KALRN: variants seen among roughly 807,000 people sequenced by gnomAD.
KALRN encodes kalirin.
KALRN carries 70 observed loss-of-function variants against 353.7 expected under a neutral mutation model. That is an observed-to-expected ratio of 0.20 (90% CI 0.16 to 0.24). The LOEUF is 0.24. KALRN is among the 10% of genes least tolerant of loss of function. The probability of loss-of-function intolerance (pLI) is 1.00; values close to 1 mark genes in which losing one functional copy is unlikely to be tolerated. For missense variants in KALRN, 2,791 were observed against 3,756.7 expected (o/e 0.74, Z 6.72); for synonymous variants, 1,391 against 1,434.8 (o/e 0.97, Z 0.69).
intron 3 of KALRN, among the ~76,000 whole-genome samples, chr3:124,256,666 C>T (rs1004236936): frequency 7.9e-5 from 12 of 152,114 alleles, no homozygotes; most frequent in Non-Finnish European, 1.0e-4. Context: ...CCACAGAAGC[C>T]CTCTACACCT....
At chr3:124,422,720 T>C in intron 14 of KALRN, 92 bp from the exon 15 acceptor site, 1 of 1,062,636 alleles carries the variant, frequency 9.4e-7, no homozygotes. Context: ...TAATGGCTGT[T>C]TCCAAATTCC....
At chr3:124,165,521 G>T (rs1199628050) in intron 1 of KALRN, among the ~76,000 whole-genome samples, 1 of 152,140 alleles carries the variant, frequency 6.6e-6, no homozygotes. Flanking sequence ...GCAACCACAT[G>T]TGGTCCCCTC....
At position 124,642,807 on chromosome 3, in the gene KALRN, T is replaced by TTTTTTTTTTGTTGTTG. The variant is rs1553707041; in HGVS notation, c.5664+5513_5664+5514insGTTGTTGTTTTTTTTT. On this transcript the variant is annotated intron_variant, in intron 37 of 59. Transcript: ENST00000682506. The stretch of plus-strand genomic sequence containing the variant: ...CTGTGGAAGAGATTCCCAAGCCTCG[T>TTTTTTTTTTGTTGTTG]TTTTTTTTTTTTTTTTTTTGAGACG... Among the ~76,000 whole-genome samples the TTTTTTTTTTGTTGTTG allele has an allele frequency of 1.4e-4, 12 of 87,626 alleles. 1 individual carries two copies. Among genetic ancestry groups the TTTTTTTTTTGTTGTTG allele is most frequent in the East Asian group, 1.2e-3 (3 of 2,588 alleles). 57.5% of individuals were successfully genotyped at this position (87,626 alleles called of 152,430 possible). A position where few individuals can be genotyped will look rare whatever the true frequency, so the allele number is the denominator to read the frequency against.
intron 5 of KALRN, among the ~76,000 whole-genome samples, chr3:124,296,109 T>C (rs1230529174): frequency 6.6e-6 from 1 of 152,176 alleles, no homozygotes; most frequent in Admixed American, 6.5e-5. Context: ...ATCATGCACG[T>C]TTGCCTTTGG....
At chr3:124,424,478 G>T (rs2092929875) in intron 15 of KALRN, among the ~76,000 whole-genome samples, 1 of 151,812 alleles carries the variant, frequency 6.6e-6, no homozygotes, top group Non-Finnish European at 1.5e-5. Context: ...TTATTATAAT[G>T]AAAAAAACAC....
intron 33 of KALRN, among the ~76,000 whole-genome samples, chr3:124,515,711 C>CA (rs980213682): frequency 5.3e-5 from 8 of 151,464 alleles, no homozygotes; most frequent in Non-Finnish European, 8.8e-5. Flanking sequence ...ACTGGCATTT[C>CA]AAAAAAAAAT....
intron 1 of KALRN, among the ~76,000 whole-genome samples, chr3:124,038,886 C>A (rs1420570718): frequency 6.6e-6 from 1 of 152,288 alleles, no homozygotes; most frequent in Non-Finnish European, 1.5e-5. Flanking sequence ...TTTCCTCCAA[C>A]AAACCCTGTT....
At chr3:124,319,809 A>G (rs1014110383) in intron 6 of KALRN, among the ~76,000 whole-genome samples, 1 of 151,946 alleles carries the variant, frequency 6.6e-6, no homozygotes, top group Non-Finnish European at 1.5e-5. Flanking sequence ...CCTGGCCAAC[A>G]TGGCAAAACC....
chr3:124,682,059 T>C (rs916519157), intron 51 of KALRN, among the ~76,000 whole-genome samples: 1 of 152,174 alleles, frequency 6.6e-6, no homozygotes, highest in African/African-American at 2.4e-5. Flanking sequence ...AAATAAGATA[T>C]AGAAAGTTAA....
intron 1 of KALRN, among the ~76,000 whole-genome samples, chr3:124,226,853 C>A (rs1328942374): frequency 6.6e-6 from 1 of 152,134 alleles, no homozygotes; most frequent in Non-Finnish European, 1.5e-5. Flanking sequence ...TGGAGAAAGG[C>A]ACCAGAGGGG....
At chr3:124,538,752 C>A in intron 33 of KALRN, among the ~76,000 whole-genome samples, 1 of 152,226 alleles carries the variant, frequency 6.6e-6, no homozygotes, top group East Asian at 1.9e-4. Context: ...GCAACTCTCC[C>A]ACCACACTCA....
At chr3:124,380,142 G>A (rs1406378287) in intron 10 of KALRN, among the ~76,000 whole-genome samples, 2 of 152,150 alleles carry the variant, frequency 1.3e-5, no homozygotes, top group Non-Finnish European at 2.9e-5. Flanking sequence ...CAAGGAAGTA[G>A]CCTCTTGATT....
chr3:124,086,244 G>T (rs1013420440), intron 1 of KALRN, among the ~76,000 whole-genome samples: 1 of 151,224 alleles, frequency 6.6e-6, no homozygotes, highest in Admixed American at 6.6e-5. Context: ...AATGTTGATT[G>T]TACTGCCAAA....
At chr3:124,071,877 T>C (rs150118700) in intron 1 of KALRN, among the ~76,000 whole-genome samples, 1 of 152,346 alleles carries the variant, frequency 6.6e-6, no homozygotes, top group East Asian at 1.9e-4. Context: ...TATGTCCATG[T>C]CACAACTATA....
At chr3:124,458,013 C>T (rs534081436) in intron 23 of KALRN, among the ~76,000 whole-genome samples, 4 of 152,112 alleles carry the variant, frequency 2.6e-5, no homozygotes, top group Admixed American at 6.5e-5. Context: ...TGGTGGCTCA[C>T]GTCTGTAATC....
intron 1 of KALRN, among the ~76,000 whole-genome samples, chr3:124,226,604 A>C (rs1257501802): frequency 1.3e-5 from 2 of 152,178 alleles, no homozygotes; most frequent in African/African-American, 4.8e-5. Context: ...CTGATCATAG[A>C]AACTGGCATT....
At chr3:124,237,431 C>T (rs923564568) in intron 3 of KALRN, among the ~76,000 whole-genome samples, 5 of 151,036 alleles carry the variant, frequency 3.3e-5, no homozygotes, top group South Asian at 2.1e-4. Context: ...GGCACAATCT[C>T]GGTTCACTGT....
chr3:124,136,215 T>A (rs1466469854), intron 1 of KALRN, among the ~76,000 whole-genome samples: 1 of 152,166 alleles, frequency 6.6e-6, no homozygotes, highest in East Asian at 1.9e-4. Flanking sequence ...ATTTTTTTTT[T>A]TATATCCCCA....
intron 34 of KALRN, among the ~76,000 whole-genome samples, chr3:124,616,882 G>A (rs554154749): frequency 1.3e-5 from 2 of 151,504 alleles, no homozygotes; most frequent in African/African-American, 4.8e-5. Flanking sequence ...GGAGAATGGC[G>A]TGAACCCAGG....
Sources: gnomAD v4.1 joint callset for allele counts (sites outside exome capture counted in the v4.1 genomes callset) on GRCh38, gnomAD v4.1.1 for gene constraint, MANE v1.5 for transcripts, NCBI Gene and HGNC (gene_info 2026-07-23, HGNC 2026-07-21) for gene names.